The following WDR70 variants were observed in gnomAD, a reference collection of about 807,000 sequenced individuals.
WDR70 encodes the protein WD repeat domain 70.
A neutral mutation model predicts 88.6 loss-of-function variants in WDR70; 53 were observed. That is an observed-to-expected ratio of 0.60 (90% confidence interval 0.48 to 0.75). WDR70 has a LOEUF of 0.75. Ranked by LOEUF, WDR70 falls within the 30% of genes least tolerant of loss-of-function variation. The probability of loss-of-function intolerance (pLI) is 0.00; values close to 1 mark genes in which losing one functional copy is unlikely to be tolerated. For missense variants in WDR70, 610 were observed against 823.2 expected, an observed-to-expected ratio of 0.74 and a Z score of 3.17; for synonymous variants, 280 against 270.0, an observed-to-expected ratio of 1.04 and a Z score of -0.36.
chr5:37,467,547 T>A (rs1244425300), intron 7 of WDR70, among the ~76,000 whole-genome samples: 2 of 150,298 alleles, frequency 1.3e-5, no homozygotes, highest in East Asian at 4.0e-4. Context: ...TTTTTTTTTT[T>A]TTTTTTTGAG....
chr5:37,723,170 C>T (rs1196734885), intron 15 of WDR70: 11 of 540,982 alleles, frequency 2.0e-5, no homozygotes, highest in East Asian at 6.1e-5. Flanking sequence ...AAAGCCTGTT[C>T]GAGTCCAATA....
In WDR70 at chr5:37,521,737, CACA is replaced by C. The variant is rs1282158870; in HGVS notation, c.917+5148_917+5150del. ...ACACACACACACACACACACACACA[CACA>C]CCCACATGTTCTTTATCAACTTGTT... On this transcript the variant is annotated intron_variant, in intron 9 of 17. Transcript: ENST00000265107. 6.6e-3 allele frequency among the ~76,000 whole-genome samples: 988 copies of C among 149,934 alleles called. 18 individuals are homozygous for C. Among genetic ancestry groups the C allele is most frequent in the African/African-American group, 0.023 (953 of 40,658 alleles).
intron 9 of WDR70, among the ~76,000 whole-genome samples, chr5:37,587,343 T>G (rs896675551): frequency 6.5e-5 from 9 of 138,196 alleles, no homozygotes; most frequent in African/African-American, 2.2e-4. Context: ...AGCAAACTAC[T>G]TTTTTTTCCC....
chr5:37,724,817 A>T, intron 15 of WDR70, 117 bp from the exon 16 acceptor site: 1 of 984,660 alleles, frequency 1.0e-6, no homozygotes, highest in Non-Finnish European at 1.5e-6. Context: ...TTTTATTATC[A>T]GATCAAGACT....
At chr5:37,538,928 A>G (rs1481341695) in intron 9 of WDR70, among the ~76,000 whole-genome samples, 1 of 152,224 alleles carries the variant, frequency 6.6e-6, no homozygotes, top group Non-Finnish European at 1.5e-5. Context: ...TTTGAATTGT[A>G]ATAGTGTACC....
chr5:37,427,592 C>T (rs951248055), intron 5 of WDR70, among the ~76,000 whole-genome samples: 1 of 151,370 alleles, frequency 6.6e-6, no homozygotes, highest in Non-Finnish European at 1.5e-5. Flanking sequence ...GATACATTTC[C>T]CAGCTGGGCA....
chr5:37,412,065 G>A (rs1749543323), intron 5 of WDR70, among the ~76,000 whole-genome samples: 1 of 151,960 alleles, frequency 6.6e-6, no homozygotes, highest in African/African-American at 2.4e-5. Context: ...AAAAATTCAA[G>A]TGGGAAGTAT....
chr5:37,403,103 C>T (rs538887326), intron 5 of WDR70, among the ~76,000 whole-genome samples: 2 of 151,810 alleles, frequency 1.3e-5, no homozygotes, highest in Admixed American at 1.3e-4. Context: ...TGCACCACCA[C>T]GCCTGGCTAA....
rs181195960 is a variant in WDR70, at chr5:37,419,199, C to T, written c.493-18723C>T. ...GCTGTTTAACTCATGTTTCATTTTACGTTAAAGTGTTTCTTTTTTTTTTTT... is the reference window on the plus strand; with the variant it reads ...GCTGTTTAACTCATGTTTCATTTTATGTTAAAGTGTTTCTTTTTTTTTTTT... On this transcript the variant is annotated intron_variant, in intron 5 of 17. Transcript: ENST00000265107. Among the ~76,000 whole-genome samples, 355 of 149,854 alleles carry T rather than the reference C, an allele frequency of 2.4e-3. 2 individuals carry two copies. The highest frequency in any genetic ancestry group is 8.7e-3 in the African/African-American group (343 of 39,632).
At chr5:37,539,823 C>T (rs1359586254) in intron 9 of WDR70, among the ~76,000 whole-genome samples, 3 of 152,192 alleles carry the variant, frequency 2.0e-5, no homozygotes, top group Admixed American at 1.3e-4. Context: ...ATAAATATTA[C>T]AGCACAGGAA....
chr5:37,383,878 C>T (rs1253453222), intron 3 of WDR70, among the ~76,000 whole-genome samples: 1 of 152,114 alleles, frequency 6.6e-6, no homozygotes, highest in Non-Finnish European at 1.5e-5. Context: ...CCACTGCACC[C>T]AGCAAAACCC....
chr5:37,609,633 C>T (rs2112484145), intron 10 of WDR70, among the ~76,000 whole-genome samples: 1 of 152,316 alleles, frequency 6.6e-6, no homozygotes, highest in Admixed American at 6.5e-5. Context: ...TTGACCCCTG[C>T]TCTATCTGAC....
chr5:37,693,332 A>C (rs1746868311), intron 10 of WDR70, among the ~76,000 whole-genome samples: 1 of 152,212 alleles, frequency 6.6e-6, no homozygotes. Context: ...GTTACCAATG[A>C]CTTTCTTCAC....
At chr5:37,399,716 AT>A (rs1749138535) in intron 5 of WDR70, among the ~76,000 whole-genome samples, 1 of 152,026 alleles carries the variant, frequency 6.6e-6, no homozygotes, top group Non-Finnish European at 1.5e-5. Flanking sequence ...ATCTTTGTTT[AT>A]TTTGAATCTA....
chr5:37,599,271 C>T (rs917946139), intron 9 of WDR70, among the ~76,000 whole-genome samples: 3 of 152,158 alleles, frequency 2.0e-5, no homozygotes, highest in African/African-American at 7.2e-5. Context: ...ACTTTGGACA[C>T]AATTTTTATA....
chr5:37,504,360 G>T (rs535812013), intron 8 of WDR70, among the ~76,000 whole-genome samples: 2 of 151,218 alleles, frequency 1.3e-5, no homozygotes, highest in African/African-American at 2.4e-5. Context: ...CCTTTTCAAC[G>T]CTTTATATCA....
intron 10 of WDR70, among the ~76,000 whole-genome samples, chr5:37,624,184 A>T (rs750331907): frequency 1.3e-5 from 2 of 152,112 alleles, no homozygotes; most frequent in Non-Finnish European, 2.9e-5. Flanking sequence ...TCTGTTAACA[A>T]ATCTCTTTCT....
At chr5:37,383,976 A>G (rs1748516840) in intron 3 of WDR70, among the ~76,000 whole-genome samples, 1 of 152,184 alleles carries the variant, frequency 6.6e-6, no homozygotes, top group African/African-American at 2.4e-5. Context: ...GTAACAGTTC[A>G]TGGCTAGCAT....
chr5:37,615,722 C>A (rs1240714103), intron 10 of WDR70, among the ~76,000 whole-genome samples: 2 of 152,200 alleles, frequency 1.3e-5, no homozygotes, highest in African/African-American at 2.4e-5. Context: ...CAAAACACAA[C>A]CTGTCTCTTG....
Sources: allele counts gnomAD v4.1 joint callset (sites outside exome capture counted in the v4.1 genomes callset), GRCh38; gene constraint gnomAD v4.1.1; transcripts MANE v1.5; gene names NCBI Gene and HGNC (gene_info 2026-07-23, HGNC 2026-07-21).